CAMK2D: variants seen among roughly 807,000 people sequenced by gnomAD.
CAMK2D encodes the protein calcium/calmodulin dependent protein kinase II delta.
A neutral mutation model predicts 84.0 loss-of-function variants in CAMK2D; 37 were observed. The observed-to-expected ratio is 0.44, with a 90% CI of 0.34 to 0.58. The LOEUF is 0.58. Among genes scored for constraint, CAMK2D ranks in the 20% least tolerant of loss-of-function variants. CAMK2D has a pLI of 0.02. For synonymous variants in CAMK2D, 202 were observed against 212.5 expected (o/e 0.95, Z 0.43); for missense variants, 448 against 652.5 (o/e 0.69, Z 3.41).
chr4:113,536,917 A>G (rs908129180), intron 7 of CAMK2D, among the ~76,000 whole-genome samples: 9 of 152,196 alleles, frequency 5.9e-5, no homozygotes, highest in African/African-American at 2.2e-4. Context: ...ATCATAAATC[A>G]TAAAGTATTA....
rs150844611 is a variant in CAMK2D at position 113,760,626 on chromosome 4, T to C, written c.65+378A>G. 4.3e-4 allele frequency among the ~76,000 whole-genome samples: 66 copies of C among 152,292 alleles called. 1 individual carries two copies. The highest frequency in any genetic ancestry group is 1.6e-3 in the African/African-American group (66 of 41,556). ...CTCTATTTACAGAAAACATGATCTA[T>C]GTTGCATTTTACATGGGTTCTAATT... is the stretch of plus-strand genomic sequence containing the variant. On this transcript the variant is annotated intron_variant, in intron 1 of 20. Coordinates refer to ENST00000511664, the MANE Select transcript of CAMK2D (RefSeq NM_001321571.2).
chr4:113,481,972 T>C (rs2097706419), intron 16 of CAMK2D, among the ~76,000 whole-genome samples: 2 of 152,296 alleles, frequency 1.3e-5, no homozygotes, highest in South Asian at 2.1e-4. Context: ...AGAAACAGTG[T>C]TCCTGATGCA....
At chr4:113,595,097 CAAG>C (rs1233295035) in intron 4 of CAMK2D, among the ~76,000 whole-genome samples, 3 of 151,796 alleles carry the variant, frequency 2.0e-5, no homozygotes, top group Admixed American at 6.6e-5. Flanking sequence ...AGAAACTAGG[CAAG>C]AAGAAGAGTG....
chr4:113,708,025 T>G (rs2099467677), intron 2 of CAMK2D, among the ~76,000 whole-genome samples: 1 of 152,158 alleles, frequency 6.6e-6, no homozygotes, highest in Admixed American at 6.5e-5. Flanking sequence ...CTTCCCTGAA[T>G]TTTTGCTCAT....
At chr4:113,461,518 G>T (rs1385801788) in intron 17 of CAMK2D, among the ~76,000 whole-genome samples, 1 of 152,102 alleles carries the variant, frequency 6.6e-6, no homozygotes, top group Non-Finnish European at 1.5e-5. Flanking sequence ...AATGATGACT[G>T]GTTGCTTGAT....
intron 2 of CAMK2D, among the ~76,000 whole-genome samples, chr4:113,692,584 A>T (rs2099390387): frequency 6.6e-6 from 1 of 151,982 alleles, no homozygotes; most frequent in Non-Finnish European, 1.5e-5. Flanking sequence ...ACATATATTC[A>T]CACATATTCA....
At chr4:113,726,305 T>C (rs958236960) in intron 2 of CAMK2D, among the ~76,000 whole-genome samples, 3 of 151,356 alleles carry the variant, frequency 2.0e-5, no homozygotes, top group Non-Finnish European at 2.9e-5. Flanking sequence ...ACTTAGAAAA[T>C]GCAACTCTAT....
chr4:113,517,743 G>A lies in CAMK2D; in HGVS notation c.602-86C>T, dbSNP rs1005575234. Reference sequence around the variant, plus strand: ...GGCTGATCCACAATGATATTAAGCCGTAGTTGTTAAAACAGAGAAAACTGG... The same window carrying A: ...GGCTGATCCACAATGATATTAAGCCATAGTTGTTAAAACAGAGAAAACTGG... On this transcript the variant is annotated intron_variant, in intron 8 of 20. Coordinates refer to ENST00000511664, the MANE Select transcript of CAMK2D (RefSeq NM_001321571.2). 72 of 675,006 alleles carry A rather than the reference G, an allele frequency of 1.1e-4. 1 individual carries two copies. The highest frequency in any genetic ancestry group is 7.7e-4 in the Middle Eastern group (3 of 3,918). The allele number at this position is 675,006 out of a possible 1,614,324, so 41.8% of individuals were successfully genotyped here.
chr4:113,679,071 C>T (rs890973597), intron 2 of CAMK2D, among the ~76,000 whole-genome samples: 3 of 152,010 alleles, frequency 2.0e-5, no homozygotes, highest in African/African-American at 7.2e-5. Flanking sequence ...ATGTACTGTG[C>T]CTTGTTTTTA....
intron 2 of CAMK2D, among the ~76,000 whole-genome samples, chr4:113,756,210 G>A (rs1157033445): frequency 6.6e-6 from 1 of 152,046 alleles, no homozygotes; most frequent in Non-Finnish European, 1.5e-5. Flanking sequence ...CTGGTTGATA[G>A]TATAGTTGGA....
At chr4:113,757,518 T>C (rs1484882128) in intron 2 of CAMK2D, among the ~76,000 whole-genome samples, 1 of 152,076 alleles carries the variant, frequency 6.6e-6, no homozygotes, top group African/African-American at 2.4e-5. Context: ...AGCTCACTCT[T>C]AGGTACGTTA....
intron 16 of CAMK2D, among the ~76,000 whole-genome samples, chr4:113,484,014 G>A (rs1258608652): frequency 6.6e-6 from 1 of 152,036 alleles, no homozygotes; most frequent in African/African-American, 2.4e-5. Flanking sequence ...TGTTAGGTAG[G>A]GAAGATACCG....
intron 2 of CAMK2D, among the ~76,000 whole-genome samples, chr4:113,741,817 T>G (rs2099593662): frequency 6.6e-6 from 1 of 152,178 alleles, no homozygotes. Flanking sequence ...TCCTTGCTAA[T>G]TACACTCCAG....
At chr4:113,684,185 C>G (rs1430379726) in intron 2 of CAMK2D, among the ~76,000 whole-genome samples, 1 of 152,150 alleles carries the variant, frequency 6.6e-6, no homozygotes, top group Non-Finnish European at 1.5e-5. Flanking sequence ...AGTCTACAGG[C>G]AGGGACTTCA....
At chr4:113,516,331 G>T (rs921427206) in intron 9 of CAMK2D, among the ~76,000 whole-genome samples, 3 of 152,178 alleles carry the variant, frequency 2.0e-5, no homozygotes, top group Non-Finnish European at 4.4e-5. Flanking sequence ...GTTTCTTAAT[G>T]TTGTACAGGT....
At chr4:113,547,816 A>C in intron 5 of CAMK2D, 100 bp from the exon 6 acceptor site, 1 of 656,208 alleles carries the variant, frequency 1.5e-6, no homozygotes. Flanking sequence ...CTAGCAGACA[A>C]CTGGGGTTGT....
intron 2 of CAMK2D, among the ~76,000 whole-genome samples, chr4:113,703,208 CG>C (rs2099428446): frequency 6.6e-6 from 1 of 151,954 alleles, no homozygotes; most frequent in Non-Finnish European, 1.5e-5. Flanking sequence ...CTCAAGTAGT[CG>C]AGGGTTCAGT....
chr4:113,748,655 G>T (rs2099610241), intron 2 of CAMK2D, among the ~76,000 whole-genome samples: 2 of 151,840 alleles, frequency 1.3e-5, no homozygotes, highest in Non-Finnish European at 2.9e-5. Flanking sequence ...CAGTACATAG[G>T]GAAGTTTTAT....
At chr4:113,571,854 G>A (rs753380989) in intron 4 of CAMK2D, among the ~76,000 whole-genome samples, 3 of 152,250 alleles carry the variant, frequency 2.0e-5, no homozygotes, top group East Asian at 3.9e-4. Flanking sequence ...TGTGAGACAC[G>A]AGTTTCATAA....
Sources: gnomAD v4.1 joint callset for allele counts (sites outside exome capture counted in the v4.1 genomes callset) on GRCh38, gnomAD v4.1.1 for gene constraint, MANE v1.5 for transcripts, NCBI Gene and HGNC (gene_info 2026-07-23, HGNC 2026-07-21) for gene names.